SPON1: variants seen among roughly 807,000 people sequenced by gnomAD.
The protein encoded by SPON1 is spondin-1.
Under a neutral mutation model 111.7 loss-of-function variants are expected in SPON1, and 52 were observed. That is an observed-to-expected ratio of 0.47 (90% CI 0.37 to 0.59). SPON1 has a LOEUF of 0.59. Among genes scored for constraint, SPON1 ranks in the 20% least tolerant of loss-of-function variants. The pLI is 0.00. For synonymous variants in SPON1, 410 were observed against 395.8 expected (o/e 1.04, Z -0.43); for missense variants, 957 against 1,068.5 (o/e 0.90, Z 1.46).
At chr11:14,038,887 A>C (rs1284558911) in intron 2 of SPON1, among the ~76,000 whole-genome samples, 1 of 152,210 alleles carries the variant, frequency 6.6e-6, no homozygotes, top group African/African-American at 2.4e-5. Context: ...CCACCCAAAA[A>C]CCTGCACATG....
At chr11:14,109,265 G>A (rs782592628) in intron 5 of SPON1, among the ~76,000 whole-genome samples, 4 of 152,076 alleles carry the variant, frequency 2.6e-5, no homozygotes, top group Non-Finnish European at 4.4e-5. Flanking sequence ...TTCATACCAC[G>A]ATAAATAGAG....
Position 14,255,712 on chromosome 11 carries a change from G to A in SPON1, c.1158G>A (p.Gln386=). 6.2e-7 allele frequency: 1 copy of A among 1,613,878 alleles called. No homozygotes were observed. Residue 386 remains glutamine, a synonymous_variant, in exon 9 of 16, where the codon CAG becomes CAA. Coordinates refer to ENST00000576479, the MANE Select transcript of SPON1 (RefSeq NM_006108.4). ...CCCTGACCAGCCTGGACCATCCTCA[G>A]AGTCCTTTCTATGACCCAGAGGGTG... ...IRPLTSLDHP[Q]SPFYDPEGGS... is the part of the protein sequence containing the mutation.
chr11:13,988,308 A>G (rs1396335240), intron 2 of SPON1, among the ~76,000 whole-genome samples: 1 of 151,936 alleles, frequency 6.6e-6, no homozygotes, highest in East Asian at 1.9e-4. Flanking sequence ...TTATTCTCTT[A>G]CTAGTAATTG....
chr11:14,095,045 G>C (rs1435153756), intron 5 of SPON1, among the ~76,000 whole-genome samples: 2 of 152,214 alleles, frequency 1.3e-5, no homozygotes, highest in African/African-American at 4.8e-5. Context: ...CTTGGAAATG[G>C]AGGTGCTCTT....
chr11:14,082,531 T>C (rs1848970705), intron 5 of SPON1, among the ~76,000 whole-genome samples: 1 of 152,204 alleles, frequency 6.6e-6, no homozygotes, highest in Non-Finnish European at 1.5e-5. Context: ...CCAAGCACTG[T>C]GTACTGATTG....
Position 14,035,102 on chromosome 11 carries a change from C to T in SPON1, c.346-6419C>T, listed in dbSNP as rs561901351. ...AAGTACTATTCACTTTTACCAAGTA[C>T]TTATGTGTATGTTGGAGTGGAGTGG... On this transcript the variant is annotated intron_variant, in intron 2 of 15. Coordinates refer to ENST00000576479, the MANE Select transcript of SPON1 (RefSeq NM_006108.4). Among the ~76,000 whole-genome samples the T allele has an allele frequency of 7.0e-4, 106 of 152,292 alleles. 2 individuals are homozygous for T. In the South Asian group the frequency reaches 0.012, roughly 18 times the overall value.
At chr11:14,090,425 G>A (rs1455892656) in intron 5 of SPON1, among the ~76,000 whole-genome samples, 1 of 152,148 alleles carries the variant, frequency 6.6e-6, no homozygotes, top group African/African-American at 2.4e-5. Flanking sequence ...GAATGAAGCC[G>A]CGGACCCTCG....
intron 2 of SPON1, among the ~76,000 whole-genome samples, chr11:14,038,988 C>G (rs970475311): frequency 6.6e-6 from 1 of 152,160 alleles, no homozygotes; most frequent in Non-Finnish European, 1.5e-5. Context: ...GTGGTACTTT[C>G]AGACAATCAG....
In SPON1 at chr11:14,075,427, CTGTGGG is replaced by C; in HGVS notation, c.553+12_553+17del. The stretch of plus-strand genomic sequence containing the variant: ...GAAACTTTGTGAACAAGGTAAGACC[CTGTGGG>C]TGGGGAGGGGGAGGGGCAGAGACAT... On this transcript the variant is annotated intron_variant, in intron 4 of 15. Coordinates refer to ENST00000576479, the MANE Select transcript of SPON1 (RefSeq NM_006108.4). 6.5e-7 allele frequency: 1 copy of C among 1,544,830 alleles called. No homozygotes were observed. The highest frequency in any genetic ancestry group is 8.8e-7 in the Non-Finnish European group (1 of 1,140,304).
chr11:14,126,779 C>G (rs909686702), intron 5 of SPON1, among the ~76,000 whole-genome samples: 2 of 152,172 alleles, frequency 1.3e-5, no homozygotes, highest in African/African-American at 2.4e-5. Flanking sequence ...GCTTTAACCT[C>G]GTCTCCTTTT....
intron 6 of SPON1, among the ~76,000 whole-genome samples, chr11:14,226,645 T>G (rs1406073945): frequency 3.3e-5 from 5 of 152,240 alleles, no homozygotes; most frequent in Non-Finnish European, 4.4e-5. Context: ...ACTGTCTGCC[T>G]TTTATTTTCA....
intron 5 of SPON1, 49 bp downstream of exon 5, chr11:14,080,070 G>T (rs372835751): frequency 5.3e-5 from 85 of 1,611,136 alleles, no homozygotes; most frequent in Admixed American, 1.8e-4. Flanking sequence ...CATTGTCAAA[G>T]TTCTGTCTGG....
chr11:14,102,114 A>G lies in SPON1; in HGVS notation c.676+22093A>G, dbSNP rs1849148080. 3.3e-5 allele frequency among the ~76,000 whole-genome samples: 5 copies of G among 152,232 alleles called. No homozygotes were observed. In the South Asian group the frequency reaches 1.0e-3, roughly 31 times the overall value. Reference sequence around the variant, plus strand: ...TGTAAGAGAACAAGGATGCTCTTACAAAATTACAATACACTTATCATTAAC... The same window carrying G: ...TGTAAGAGAACAAGGATGCTCTTACGAAATTACAATACACTTATCATTAAC... On this transcript the variant is annotated intron_variant, in intron 5 of 15. Transcript: ENST00000576479.
chr11:14,101,662 A>G (rs1388768152), intron 5 of SPON1, among the ~76,000 whole-genome samples: 1 of 151,964 alleles, frequency 6.6e-6, no homozygotes, highest in Non-Finnish European at 1.5e-5. Flanking sequence ...AAAGGCTTAG[A>G]TCATCTAAAA....
chr11:14,072,119 A>G (rs914623482), intron 3 of SPON1, among the ~76,000 whole-genome samples: 4 of 152,204 alleles, frequency 2.6e-5, no homozygotes, highest in African/African-American at 9.6e-5. Context: ...CATATTCCAG[A>G]CCACGGGTTT....
At chr11:14,160,170 C>T (rs1236433111) in intron 6 of SPON1, among the ~76,000 whole-genome samples, 1 of 150,562 alleles carries the variant, frequency 6.6e-6, no homozygotes, top group East Asian at 2.0e-4. Context: ...TATATACACC[C>T]ACAAAATTTT....
chr11:14,065,065 AC>A (rs1848821594), intron 3 of SPON1, among the ~76,000 whole-genome samples: 1 of 151,542 alleles, frequency 6.6e-6, no homozygotes, highest in Admixed American at 6.6e-5. Flanking sequence ...GAGAACAGTG[AC>A]CCCCCTCCCA....
At chr11:14,224,653 C>G in intron 6 of SPON1, 1 of 366,104 alleles carries the variant, frequency 2.7e-6, no homozygotes, top group South Asian at 2.5e-5. Flanking sequence ...TCATATCTAG[C>G]ATAGAGGCCA....
intron 1 of SPON1, among the ~76,000 whole-genome samples, chr11:13,979,957 C>G (rs1554909411): frequency 6.6e-6 from 1 of 152,082 alleles, no homozygotes; most frequent in Non-Finnish European, 1.5e-5. Flanking sequence ...TGTCCCCTGA[C>G]AGCATAACCA....
Sources: allele counts gnomAD v4.1 joint callset (sites outside exome capture counted in the v4.1 genomes callset), GRCh38; gene constraint gnomAD v4.1.1; transcripts MANE v1.5; gene names NCBI Gene and HGNC (gene_info 2026-07-23, HGNC 2026-07-21).